Variants in RALGPS1 observed in about 807,000 individuals in gnomAD.
The protein encoded by RALGPS1 is Ral GEF with PH domain and SH3 binding motif 1, also known as ras-specific guanine nucleotide-releasing factor RalGPS1.
A neutral mutation model predicts 78.8 loss-of-function variants in RALGPS1; 19 were observed. The observed-to-expected ratio is 0.24, with a 90% CI of 0.17 to 0.35. The LOEUF (loss-of-function observed/expected upper bound fraction) is 0.35, where lower values mean the gene tolerates loss of function less well. Among genes scored for constraint, RALGPS1 ranks in the 10% least tolerant of loss-of-function variants. The probability of loss-of-function intolerance (pLI) is 1.00; values close to 1 mark genes in which losing one functional copy is unlikely to be tolerated. For missense variants in RALGPS1, 454 were observed against 688.3 expected (o/e 0.66, Z 3.81); for synonymous variants, 228 against 256.3 (o/e 0.89, Z 1.06).
chr9:127,048,394 T>C (rs559958749), intron 5 of RALGPS1, among the ~76,000 whole-genome samples: 1 of 152,248 alleles, frequency 6.6e-6, no homozygotes, highest in Non-Finnish European at 1.5e-5. Flanking sequence ...GTTTACTGTT[T>C]GAACTTCTTC....
chr9:126,932,017 G>A (rs2035839384), intron 1 of RALGPS1, among the ~76,000 whole-genome samples: 1 of 150,840 alleles, frequency 6.6e-6, no homozygotes, highest in African/African-American at 2.4e-5. Context: ...GAATTCCTCT[G>A]TTGTTAGGCT....
At position 127,091,506 on chromosome 9, in the gene RALGPS1, G is replaced by T. The variant is rs953644929; in HGVS notation, c.610+22150G>T. On this transcript the variant is annotated intron_variant, in intron 8 of 18. Transcript: ENST00000259351. The surrounding 1 kb of genome is among the most constrained non-coding windows in gnomAD (Gnocchi z 4.3). ...CCAGCTTTGTGAAGGGGACCTGTGGGCAGGAGAAGGGACCCTCAGGGGGTG... is the reference window on the plus strand; with the variant it reads ...CCAGCTTTGTGAAGGGGACCTGTGGTCAGGAGAAGGGACCCTCAGGGGGTG... 2.0e-5 allele frequency among the ~76,000 whole-genome samples: 3 copies of T among 152,134 alleles called. No individual in the cohort carries two copies. The highest frequency in any genetic ancestry group is 7.2e-5 in the African/African-American group (3 of 41,434).
chr9:126,993,796 A>G (rs1052075420), intron 4 of RALGPS1, among the ~76,000 whole-genome samples: 1 of 152,092 alleles, frequency 6.6e-6, no homozygotes, highest in Non-Finnish European at 1.5e-5. Flanking sequence ...GCGGACTGAC[A>G]CCTCACACGA....
chr9:127,108,397 A>G (rs1175073810), intron 8 of RALGPS1: 2 of 1,607,374 alleles, frequency 1.2e-6, no homozygotes, highest in South Asian at 2.2e-5. Flanking sequence ...GCCGCCGTCC[A>G]CCTCCACCAG....
At chr9:127,034,944 A>G (rs541959762) in intron 5 of RALGPS1, among the ~76,000 whole-genome samples, 1 of 151,996 alleles carries the variant, frequency 6.6e-6, no homozygotes, top group South Asian at 2.1e-4. Context: ...TCCCTGTTCA[A>G]CTTCCAGTCA....
chr9:127,126,824 TCTG>T (rs1394930096), intron 8 of RALGPS1, among the ~76,000 whole-genome samples: 2 of 152,224 alleles, frequency 1.3e-5, no homozygotes, highest in Non-Finnish European at 2.9e-5. Context: ...AATTCCAACA[TCTG>T]GCTCATTAGT....
At chr9:127,149,475 A>C (rs2058295552) in intron 8 of RALGPS1, among the ~76,000 whole-genome samples, 1 of 152,224 alleles carries the variant, frequency 6.6e-6, no homozygotes, top group Non-Finnish European at 1.5e-5. Context: ...TATGAATCAG[A>C]CTTGTCTTCC....
intron 8 of RALGPS1, among the ~76,000 whole-genome samples, chr9:127,155,612 A>G (rs1333076721): frequency 1.3e-5 from 2 of 152,200 alleles, no homozygotes; most frequent in Non-Finnish European, 2.9e-5. Context: ...ATAGAAAGCC[A>G]CTGGGTATTT....
intron 5 of RALGPS1, among the ~76,000 whole-genome samples, chr9:127,042,573 T>A (rs2047411912): frequency 6.6e-6 from 1 of 152,184 alleles, no homozygotes; most frequent in Admixed American, 6.5e-5. Flanking sequence ...TACATAATGG[T>A]AAGACACTGA....
chr9:127,127,444 C>T (rs1281156), intron 8 of RALGPS1, among the ~76,000 whole-genome samples: 3,700 of 152,264 alleles, frequency 0.024, 57 homozygotes, highest in Middle Eastern at 0.048. Context: ...CTTCTGTACC[C>T]GTTCTGCTGT....
chr9:127,099,676 G>A (rs964666517), intron 8 of RALGPS1, among the ~76,000 whole-genome samples: 15 of 152,202 alleles, frequency 9.9e-5, no homozygotes, highest in African/African-American at 3.6e-4. Flanking sequence ...TAAGATTCTG[G>A]TTATGGATGT....
Position 127,091,548 on chromosome 9 carries a change from G to T in RALGPS1, c.610+22192G>T. The T allele has an allele frequency of 7.3e-7, 1 of 1,371,620 alleles. No individual in the cohort carries two copies. Among genetic ancestry groups the T allele is most frequent in the Non-Finnish European group, 9.9e-7 (1 of 1,010,948 alleles). 85.0% of individuals were successfully genotyped at this position (1,371,620 alleles called of 1,614,324 possible). Reference sequence around the variant, plus strand: ...CAGGGGGTGGTAACAGGGTCAGGCAGCTTGGCCCAGCTGCTTCTCACCCTG... The same window carrying T: ...CAGGGGGTGGTAACAGGGTCAGGCATCTTGGCCCAGCTGCTTCTCACCCTG... On this transcript the variant is annotated intron_variant, in intron 8 of 18. Coordinates refer to ENST00000259351, the MANE Select transcript of RALGPS1 (RefSeq NM_014636.3). The surrounding 1 kb of genome is among the most constrained non-coding windows in gnomAD (Gnocchi z 4.3).
chr9:127,015,277 G>A (rs935821404), intron 4 of RALGPS1, among the ~76,000 whole-genome samples: 2 of 152,132 alleles, frequency 1.3e-5, no homozygotes, highest in Non-Finnish European at 2.9e-5. Flanking sequence ...TTGACTTTAG[G>A]CAAGTTAATT....
At chr9:126,989,078 T>G (rs1374441625) in intron 4 of RALGPS1, among the ~76,000 whole-genome samples, 2 of 151,858 alleles carry the variant, frequency 1.3e-5, no homozygotes, top group African/African-American at 4.8e-5. Context: ...ATCATCATCA[T>G]CATCAGCATC....
At chr9:126,972,663 T>C (rs2040230854) in intron 3 of RALGPS1, among the ~76,000 whole-genome samples, 1 of 152,232 alleles carries the variant, frequency 6.6e-6, no homozygotes, top group African/African-American at 2.4e-5. Context: ...AAGAACACAT[T>C]GACCTGTTCC....
chr9:127,135,181 T>A (rs1466110326), intron 8 of RALGPS1, among the ~76,000 whole-genome samples: 1 of 152,200 alleles, frequency 6.6e-6, no homozygotes, highest in Non-Finnish European at 1.5e-5. Context: ...CCCTGGAGTT[T>A]GGGTCACATT....
chr9:127,076,954 G>A lies in RALGPS1; in HGVS notation c.610+7598G>A, dbSNP rs79453798. Among the ~76,000 whole-genome samples the A allele has an allele frequency of 7.9e-3, 1,197 of 152,310 alleles. 23 individuals carry two copies. Among genetic ancestry groups the A allele is most frequent in the African/African-American group, 0.027 (1,131 of 41,566 alleles). On this transcript the variant is annotated intron_variant, in intron 8 of 18. Transcript: ENST00000259351. ...GCTTGTGCAAGAACCCTAAAGTGAGGAAAAACATGTTTGTTAGAAAAACTG... is the reference window on the plus strand; with the variant it reads ...GCTTGTGCAAGAACCCTAAAGTGAGAAAAAACATGTTTGTTAGAAAAACTG...
intron 5 of RALGPS1, 62 bp from the exon 6 acceptor site, chr9:127,049,981 G>T (rs986833041): frequency 8.1e-7 from 1 of 1,232,136 alleles, no homozygotes; most frequent in Non-Finnish European, 1.2e-6. Flanking sequence ...GACACGGGTG[G>T]TCCAGCAATT....
Position 126,977,701 on chromosome 9 carries a change from A to T in RALGPS1, c.172A>T (p.Ile58Phe). 1 of 1,595,200 alleles carries T rather than the reference A, an allele frequency of 6.3e-7. No homozygotes were observed. The highest frequency in any genetic ancestry group is 8.6e-7 in the Non-Finnish European group (1 of 1,169,552). The change falls in exon 4 of 19, where the codon ATT (isoleucine) becomes TTT (phenylalanine). Residue 58 changes from isoleucine (I) to phenylalanine (F), a missense_variant. Physicochemically the swap from Ile to Phe is conservative, Grantham distance 21. Transcript: ENST00000259351. ...TGATTCTCTTTTGTTGCAGAGCCAG[A>T]TTACATTAATGGATATACCTGTGTT... ...KVTPEEFASQ[I>F]TLMDIPVFKA... is the part of the protein sequence containing the mutation.
Sources: allele counts gnomAD v4.1 joint callset (sites outside exome capture counted in the v4.1 genomes callset), GRCh38; gene constraint gnomAD v4.1.1; non-coding constraint Gnocchi (gnomAD v3.1); transcripts MANE v1.5; gene names NCBI Gene and HGNC (gene_info 2026-07-23, HGNC 2026-07-21).